The following ANKUB1 variants were observed in gnomAD, a reference collection of about 807,000 sequenced individuals.
The protein encoded by ANKUB1 is protein ANKUB1.
A neutral mutation model predicts 49.3 loss-of-function variants in ANKUB1; 42 were observed. That is an observed-to-expected ratio of 0.85 (90% CI 0.67 to 1.10). The LOEUF is 1.10. ANKUB1 is among the 50% of genes least tolerant of loss of function. The pLI is 0.00. For missense variants in ANKUB1, 613 were observed against 642.0 expected, an observed-to-expected ratio of 0.95 and a Z score of 0.49; for synonymous variants, 222 against 231.0, an observed-to-expected ratio of 0.96 and a Z score of 0.35.
intron 3 of ANKUB1, chr3:149,779,845 T>A (rs1717775410): frequency 5.1e-6 from 1 of 194,952 alleles, no homozygotes; most frequent in Non-Finnish European, 1.1e-5. Context: ...TTTCTTAGTC[T>A]GTAGACCCAG....
chr3:149,785,273 T>A (rs1024854178), intron 2 of ANKUB1, among the ~76,000 whole-genome samples: 1 of 152,118 alleles, frequency 6.6e-6, no homozygotes, highest in African/African-American at 2.4e-5. Context: ...TATTATTATT[T>A]ATTACATTTT....
At chr3:149,777,964 TCTGATTTTCCACTGC>T (rs1717677342) in intron 3 of ANKUB1, among the ~76,000 whole-genome samples, 1 of 152,228 alleles carries the variant, frequency 6.6e-6, no homozygotes, top group Non-Finnish European at 1.5e-5. Flanking sequence ...TCCAAACTCT[TCTGATTTTCCACTGC>T]CTGTGGAAAA....
Position 149,780,324 on chromosome 3 carries a change from G to A in ANKUB1, c.366C>T (p.Leu122=). 1 of 1,551,866 alleles carries A rather than the reference G, an allele frequency of 6.4e-7. No individual in the cohort carries two copies. The highest frequency in any genetic ancestry group is 8.7e-7 in the Non-Finnish European group (1 of 1,147,038). ...LRTLVTLRCG[L]PVSVYCLRTP... Reference sequence around the variant, plus strand: ...TTCGGAGACAGTAGACACTCACGGGGAGGCCACATCTCAGAGTTACCAGTG... The same window carrying A: ...TTCGGAGACAGTAGACACTCACGGGAAGGCCACATCTCAGAGTTACCAGTG... The change falls in exon 3 of 6, where the codon CTC becomes CTT. Residue 122 remains leucine (L), a synonymous_variant. Coordinates refer to ENST00000446160, the MANE Select transcript of ANKUB1 (RefSeq NM_001144960.3).
intron 3 of ANKUB1, chr3:149,779,741 A>G (rs1417034018): frequency 3.8e-5 from 6 of 157,418 alleles, no homozygotes; most frequent in East Asian, 1.9e-4. Context: ...GAAAGAGAAG[A>G]GATGAAGTGG....
chr3:149,792,351 C>T lies in ANKUB1; in HGVS notation c.16G>A (p.Ala6Thr), dbSNP rs577348720. 7.2e-5 allele frequency: 109 copies of T among 1,513,080 alleles called. No individual in the cohort carries two copies. The highest frequency in any genetic ancestry group is 2.0e-4 in the South Asian group (16 of 78,200). The allele number at this position is 1,513,080 out of a possible 1,614,324, so 93.7% of individuals were successfully genotyped here. MRIFIAFEGSFEPFDV... is the reference protein window; with the variant it reads MRIFITFEGSFEPFDV... ...AACGGTTCAAAAGATCCTTCAAAGG[C>T]GATGAAAATCCTCATTGTACAATTA... The change falls in exon 1 of 6, where the codon GCC becomes ACC. Residue 6 changes from alanine (A) to threonine (T), a missense_variant. Transcript: ENST00000446160.
intron 2 of ANKUB1, among the ~76,000 whole-genome samples, chr3:149,787,463 T>C (rs1193717863): frequency 6.6e-6 from 1 of 152,174 alleles, no homozygotes; most frequent in Non-Finnish European, 1.5e-5. Flanking sequence ...CTTAAGGAGA[T>C]TTTGGGCTGA....
intron 4 of ANKUB1, among the ~76,000 whole-genome samples, chr3:149,768,634 C>G (rs543820022): frequency 6.6e-6 from 1 of 152,112 alleles, no homozygotes; most frequent in East Asian, 1.9e-4. Context: ...CTCCACCTCC[C>G]GAGTTGAAGC....
intron 5 of ANKUB1, among the ~76,000 whole-genome samples, chr3:149,762,093 T>G (rs1328999235): frequency 1.3e-5 from 2 of 152,214 alleles, no homozygotes; most frequent in African/African-American, 4.8e-5. Context: ...CTTGCAAATT[T>G]GAATACGATT....
intron 3 of ANKUB1, chr3:149,779,538 T>C (rs965083508): frequency 6.6e-6 from 1 of 152,362 alleles, no homozygotes; most frequent in Middle Eastern, 3.4e-3. Context: ...ATTCCACTAA[T>C]GCAGATTTTC....
At chr3:149,772,981 A>T (rs1276951007) in intron 3 of ANKUB1, among the ~76,000 whole-genome samples, 1 of 152,126 alleles carries the variant, frequency 6.6e-6, no homozygotes, top group Non-Finnish European at 1.5e-5. Context: ...AGACCAGCCC[A>T]CTCAGCAGCC....
At chr3:149,781,542 C>T (rs1717870708) in intron 2 of ANKUB1, among the ~76,000 whole-genome samples, 1 of 152,186 alleles carries the variant, frequency 6.6e-6, no homozygotes, top group African/African-American at 2.4e-5. Flanking sequence ...ATCTGGCCTT[C>T]AGGTTCTTCA....
chr3:149,762,020 A>G (rs1716804043), intron 5 of ANKUB1, among the ~76,000 whole-genome samples: 2 of 152,228 alleles, frequency 1.3e-5, no homozygotes, highest in African/African-American at 4.8e-5. Flanking sequence ...ATAGTCTTTA[A>G]CTAAAATGCA....
intron 4 of ANKUB1, among the ~76,000 whole-genome samples, chr3:149,768,688 C>T (rs946808597): frequency 6.6e-6 from 1 of 152,160 alleles, no homozygotes; most frequent in Non-Finnish European, 1.5e-5. Flanking sequence ...ATTACAGGTG[C>T]GAGCCACCAC....
At chr3:149,779,919 A>T (rs1356527898) in intron 3 of ANKUB1, 2 of 307,184 alleles carry the variant, frequency 6.5e-6, no homozygotes, top group Non-Finnish European at 1.2e-5. Context: ...CCATTTAGAA[A>T]TAATGCCTCC....
At chr3:149,790,331 A>G (rs948272934) in intron 2 of ANKUB1, among the ~76,000 whole-genome samples, 11 of 152,154 alleles carry the variant, frequency 7.2e-5, no homozygotes, top group African/African-American at 2.7e-4. Context: ...ACCTAATTGG[A>G]ATGGCTACTT....
intron 2 of ANKUB1, 36 bp downstream of exon 2, chr3:149,790,745 A>T: frequency 6.6e-7 from 1 of 1,514,226 alleles, no homozygotes; most frequent in South Asian, 1.3e-5. Flanking sequence ...AAAATGAGAT[A>T]GATATCTTAG....
intron 3 of ANKUB1, among the ~76,000 whole-genome samples, chr3:149,773,471 G>A (rs1253437221): frequency 6.6e-6 from 1 of 152,138 alleles, no homozygotes; most frequent in African/African-American, 2.4e-5. Context: ...GAGAATTCTG[G>A]AATTATTCTG....
chr3:149,774,607 T>G (rs1241695546), intron 3 of ANKUB1, among the ~76,000 whole-genome samples: 2 of 152,226 alleles, frequency 1.3e-5, no homozygotes, highest in Admixed American at 1.3e-4. Flanking sequence ...GATTTAAATC[T>G]CCTTAACATT....
chr3:149,761,407 T>C lies in ANKUB1; in HGVS notation c.*77A>G, dbSNP rs1716777534. 1.1e-5 allele frequency: 16 copies of C among 1,483,258 alleles called. No individual in the cohort carries two copies. Among genetic ancestry groups the C allele is most frequent in the Non-Finnish European group, 1.4e-5 (15 of 1,095,030 alleles). The allele number at this position is 1,483,258 out of a possible 1,614,324, so 91.9% of individuals were successfully genotyped here. On this transcript the variant is annotated 3_prime_UTR_variant, in exon 6 of 6. Transcript: ENST00000446160. ...ACTAGAGATGATAACATTAGAACTGTTATTAGAAATGTTAACATTAGAACT... is the reference window on the plus strand; with the variant it reads ...ACTAGAGATGATAACATTAGAACTGCTATTAGAAATGTTAACATTAGAACT...
Sources: allele counts gnomAD v4.1 joint callset (sites outside exome capture counted in the v4.1 genomes callset), GRCh38; gene constraint gnomAD v4.1.1; transcripts MANE v1.5; gene names NCBI Gene and HGNC (gene_info 2026-07-23, HGNC 2026-07-21).